Variants in NTM observed in about 807,000 individuals in gnomAD.
The protein encoded by NTM is IgLON family member 2.
Under a neutral mutation model 42.1 loss-of-function variants are expected in NTM, and 13 were observed. The ratio of observed to expected loss-of-function variants is 0.31; its 90% CI spans 0.20 to 0.49. NTM has a LOEUF of 0.49. Ranked by LOEUF, NTM falls within the 20% of genes least tolerant of loss-of-function variation. NTM has a pLI of 0.99. For synonymous variants in NTM, 187 were observed against 179.2 expected (o/e 1.04, Z -0.35); for missense variants, 373 against 452.8 (o/e 0.82, Z 1.60).
intron 3 of NTM, among the ~76,000 whole-genome samples, chr11:132,207,070 T>C (rs1222759767): frequency 6.6e-6 from 1 of 152,160 alleles, no homozygotes; most frequent in Non-Finnish European, 1.5e-5. Flanking sequence ...GTTCACAAAA[T>C]GTTCATTGGA....
chr11:131,698,760 A>G (rs908382247), intron 1 of NTM, among the ~76,000 whole-genome samples: 4 of 152,212 alleles, frequency 2.6e-5, no homozygotes, highest in African/African-American at 9.6e-5. Flanking sequence ...CTTCCTTGTT[A>G]GGAGTATTCT....
chr11:132,154,967 A>G (rs1443342336), intron 3 of NTM, among the ~76,000 whole-genome samples: 2 of 152,140 alleles, frequency 1.3e-5, no homozygotes, highest in African/African-American at 4.8e-5. Flanking sequence ...ATTTGGTGGC[A>G]TGTTTTCTTT....
rs549944464 is a variant in NTM at position 132,237,622 on chromosome 11, G to A, written c.526+25475G>A. The stretch of plus-strand genomic sequence containing the variant: ...CATCTCAGGCTGAGGGCTACACTGT[G>A]GAGACGGAGGTGGGGTGCGTCCCAA... On this transcript the variant is annotated intron_variant, in intron 4 of 8. Coordinates refer to ENST00000683400, the MANE Select transcript of NTM (RefSeq NM_001352005.2). Among the ~76,000 whole-genome samples the A allele has an allele frequency of 1.6e-4, 25 of 152,276 alleles. No homozygotes were observed. The South Asian group carries it at 2.9e-3, about 18-fold the overall frequency.
intron 1 of NTM, among the ~76,000 whole-genome samples, chr11:131,373,543 C>T (rs903863772): frequency 6.6e-6 from 1 of 151,586 alleles, no homozygotes; most frequent in Non-Finnish European, 1.5e-5. Flanking sequence ...GGATTAGCTC[C>T]CTGGGGCTCT....
Position 131,894,375 on chromosome 11 carries a change from T to A in NTM, c.83-17189T>A, listed in dbSNP as rs150922860. ...GCATATGGGATCCGCACTGTGGCCCTTCCACATAAGAAAGTAAGGGAGTGA... is the reference window on the plus strand; with the variant it reads ...GCATATGGGATCCGCACTGTGGCCCATCCACATAAGAAAGTAAGGGAGTGA... On this transcript the variant is annotated intron_variant, in intron 1 of 8. Transcript: ENST00000683400. Among the ~76,000 whole-genome samples the A allele has an allele frequency of 2.3e-3, 344 of 152,320 alleles. 1 individual carries two copies. Among genetic ancestry groups the A allele is most frequent in the African/African-American group, 8.0e-3 (333 of 41,562 alleles).
At chr11:131,459,921 G>A (rs1349786894) in intron 1 of NTM, among the ~76,000 whole-genome samples, 1 of 152,110 alleles carries the variant, frequency 6.6e-6, no homozygotes, top group African/African-American at 2.4e-5. Context: ...CTTAGGAAGT[G>A]GGCCAGGTTT....
chr11:132,203,506 G>C (rs1016385250), intron 3 of NTM, among the ~76,000 whole-genome samples: 5 of 152,210 alleles, frequency 3.3e-5, no homozygotes, highest in Admixed American at 3.3e-4. Flanking sequence ...ATGAAGCTTA[G>C]GGTTCTTTTT....
chr11:131,381,133 C>G (rs190970562), intron 1 of NTM, among the ~76,000 whole-genome samples: 3 of 152,272 alleles, frequency 2.0e-5, no homozygotes, highest in East Asian at 3.9e-4. Flanking sequence ...GGGGAAGAAC[C>G]TACGCTCTAC....
intron 1 of NTM, among the ~76,000 whole-genome samples, chr11:131,661,763 T>C (rs978850108): frequency 6.6e-6 from 1 of 152,216 alleles, no homozygotes; most frequent in African/African-American, 2.4e-5. Context: ...AAATGCTCTT[T>C]TTTTTCCCCC....
Position 131,450,883 on chromosome 11 carries a change from C to T in NTM, c.82+79995C>T, listed in dbSNP as rs115338527. 3.5e-3 allele frequency among the ~76,000 whole-genome samples: 526 copies of T among 152,174 alleles called. 4 individuals carry two copies. Among genetic ancestry groups the T allele is most frequent in the African/African-American group, 0.012 (491 of 41,516 alleles). ...GGGTTATGAATCGTAGTAGATGCCA[C>T]AGAAATGTTTGTTGAATAAATAAAC... On this transcript the variant is annotated intron_variant, in intron 1 of 8. Transcript: ENST00000683400.
chr11:131,747,180 T>C (rs567186818), intron 1 of NTM, among the ~76,000 whole-genome samples: 24 of 152,322 alleles, frequency 1.6e-4, no homozygotes, highest in African/African-American at 5.3e-4. Context: ...TTCTCACTAC[T>C]ACAATCTATA....
intron 3 of NTM, among the ~76,000 whole-genome samples, chr11:132,200,993 A>C (rs1312140488): frequency 6.6e-6 from 1 of 152,190 alleles, no homozygotes; most frequent in Non-Finnish European, 1.5e-5. Context: ...TATTATAGCA[A>C]AATGTTTTTT....
At chr11:131,537,898 C>G (rs937355744) in intron 1 of NTM, 2 of 152,214 alleles carry the variant, frequency 1.3e-5, no homozygotes, top group Non-Finnish European at 2.9e-5. Flanking sequence ...GGTCAGCACA[C>G]AAGCAGGGGA....
intron 2 of NTM, among the ~76,000 whole-genome samples, chr11:132,045,018 A>G (rs2077790578): frequency 6.6e-6 from 1 of 152,188 alleles, no homozygotes; most frequent in Non-Finnish European, 1.5e-5. Flanking sequence ...CTTCTCCCTA[A>G]CTCATTATAT....
chr11:131,845,369 G>T (rs2044766231), intron 1 of NTM, among the ~76,000 whole-genome samples: 2 of 152,050 alleles, frequency 1.3e-5, no homozygotes, highest in South Asian at 4.1e-4. Flanking sequence ...TTGGAGAAGA[G>T]CTCCTGACTG....
chr11:132,151,237 A>G (rs1202413401), intron 3 of NTM, among the ~76,000 whole-genome samples: 1 of 152,232 alleles, frequency 6.6e-6, no homozygotes, highest in East Asian at 1.9e-4. Flanking sequence ...CTTGGAAAAC[A>G]GAGTGGATAA....
intron 1 of NTM, among the ~76,000 whole-genome samples, chr11:131,639,220 A>G (rs2064818658): frequency 1.3e-5 from 2 of 152,260 alleles, no homozygotes; most frequent in Non-Finnish European, 2.9e-5. Flanking sequence ...CTTTTAGCAT[A>G]GAAATAATTG....
chr11:132,037,257 C>T (rs1369035274), intron 2 of NTM, among the ~76,000 whole-genome samples: 2 of 151,970 alleles, frequency 1.3e-5, no homozygotes, highest in African/African-American at 2.4e-5. Flanking sequence ...AGGGGGAGCC[C>T]TTCTCTCTCT....
chr11:132,104,280 A>G (rs2061992503), intron 2 of NTM, among the ~76,000 whole-genome samples: 1 of 152,098 alleles, frequency 6.6e-6, no homozygotes, highest in African/African-American at 2.4e-5. Flanking sequence ...TTTACAGTAG[A>G]AATTTTTGAG....
Sources: gnomAD v4.1 joint callset for allele counts (sites outside exome capture counted in the v4.1 genomes callset) on GRCh38, gnomAD v4.1.1 for gene constraint, MANE v1.5 for transcripts, NCBI Gene and HGNC (gene_info 2026-07-23, HGNC 2026-07-21) for gene names.